The following CYLC1 variants were observed in gnomAD, a reference collection of about 807,000 sequenced individuals.
The protein encoded by CYLC1 is cylicin 1, also known as cylicin-1.
Under a neutral mutation model 31.6 loss-of-function variants are expected in CYLC1, and 2 were observed. The ratio of observed to expected loss-of-function variants is 0.06; its 90% CI spans 0.03 to 0.20. The LOEUF (loss-of-function observed/expected upper bound fraction) is 0.20, where lower values mean the gene tolerates loss of function less well. CYLC1 is among the 10% of genes least tolerant of loss of function. CYLC1 has a pLI of 1.00. For missense variants in CYLC1, 595 were observed against 424.1 expected (o/e 1.40, Z -3.54); for synonymous variants, 185 against 153.0 (o/e 1.21, Z -1.54).
intron 1 of CYLC1, among the ~76,000 whole-genome samples, chrX:83,867,725 A>G (rs926622773): frequency 9.0e-6 from 1 of 111,170 alleles, no homozygotes; most frequent in African/African-American, 3.3e-5. Flanking sequence ...TTCCTCTTGT[A>G]ATAATTTTGG....
chrX:83,868,153 G>A (rs1393179728), intron 1 of CYLC1, among the ~76,000 whole-genome samples: 1 of 110,751 alleles, frequency 9.0e-6, no homozygotes, highest in East Asian at 2.8e-4. Flanking sequence ...ATCAAATCAA[G>A]CAAATATAAT....
At chrX:83,871,766 A>G (rs941443572) in intron 3 of CYLC1, among the ~76,000 whole-genome samples, 196 bp downstream of exon 3, 1 of 110,788 alleles carries the variant, frequency 9.0e-6, no homozygotes, top group Non-Finnish European at 1.9e-5. Context: ...CACATCAAAG[A>G]CATTATCTAA....
At chrX:83,882,401 T>A (rs1190850207) in intron 4 of CYLC1, among the ~76,000 whole-genome samples, 1 of 110,760 alleles carries the variant, frequency 9.0e-6, no homozygotes, top group African/African-American at 3.3e-5. Context: ...TGTTCTTCAT[T>A]TCTGTACCTT....
At chrX:83,877,923 T>TAC (rs2031801654) in intron 4 of CYLC1, among the ~76,000 whole-genome samples, 1 of 80,965 alleles carries the variant, frequency 1.2e-5, no homozygotes, top group Non-Finnish European at 2.3e-5. Flanking sequence ...TATATATATA[T>TAC]ATAAATATAA....
rs1306411610 is a variant in CYLC1, at chrX:83,885,618, A to G, written c.1924-934A>G. Among the ~76,000 whole-genome samples, 43 of 109,648 alleles carry G rather than the reference A, an allele frequency of 3.9e-4. No homozygotes were observed. In the Admixed American group the frequency reaches 4.3e-3, roughly 11 times the overall value. On this transcript the variant is annotated intron_variant, in intron 4 of 4. Transcript: ENST00000329312. ...TCACTGCTGACTTCAGAAGGGGACC[A>G]ATATAAACCAGCTTAACTTTCCTCT...
intron 4 of CYLC1, among the ~76,000 whole-genome samples, chrX:83,880,597 G>A (rs991745918): frequency 9.0e-6 from 1 of 111,098 alleles, no homozygotes; most frequent in Non-Finnish European, 1.9e-5. Flanking sequence ...TTAATCACTT[G>A]AAATATTAAG....
At chrX:83,869,378 C>G (rs1292035110) in intron 1 of CYLC1, among the ~76,000 whole-genome samples, 1 of 110,153 alleles carries the variant, frequency 9.1e-6, no homozygotes, top group African/African-American at 3.3e-5. Context: ...ACCCTCCACC[C>G]TCTGATAGAC....
chrX:83,863,013 T>G (rs1367215361), intron 1 of CYLC1, among the ~76,000 whole-genome samples: 1 of 111,704 alleles, frequency 9.0e-6, no homozygotes, highest in African/African-American at 3.3e-5. Context: ...GTCATCAACT[T>G]ATATCACCTG....
Position 83,873,494 on chromosome X carries a change from T to C in CYLC1, c.786T>C (p.Asp262=), listed in dbSNP as rs937236328. The C allele has an allele frequency of 8.4e-7, 1 of 1,193,233 alleles. No individual in the cohort carries two copies. The highest frequency in any genetic ancestry group is 2.2e-5 in the Admixed American group (1 of 44,917). The change falls in exon 4 of 5, where the codon GAT becomes GAC. Residue 262 remains aspartate, a synonymous_variant. Transcript: ENST00000329312. Reference sequence around the variant, plus strand: ...CTGATGATGAATCCATAAATTTTGATGCATGGTTAAGGAATTACTCACAGA... The same window carrying C: ...CTGATGATGAATCCATAAATTTTGACGCATGGTTAAGGAATTACTCACAGA... The part of the protein sequence containing the change: ...GQSDDESINF[D]AWLRNYSQNN...
chrX:83,873,116 T>C lies in CYLC1; in HGVS notation c.408T>C (p.Gly136=), dbSNP rs760842314. ...AGAAAGATTCCAAGAAAAAAGGAGG[T>C]TCATATGCAACAAATCCAGAATCCA... The part of the protein sequence containing the change: ...PLKKDSKKKG[G]SYATNPESKQ... Residue 136 remains glycine (G), a synonymous_variant, in exon 4 of 5, where the codon GGT becomes GGC. Coordinates refer to ENST00000329312, the MANE Select transcript of CYLC1 (RefSeq NM_021118.3). The C allele has an allele frequency of 3.4e-6, 4 of 1,193,656 alleles. No individual in the cohort carries two copies. The Admixed American group carries it at 9.3e-5, about 28-fold the overall frequency.
At chrX:83,886,066 G>T (rs754994879) in intron 4 of CYLC1, among the ~76,000 whole-genome samples, 8 of 111,272 alleles carry the variant, frequency 7.2e-5, no homozygotes, top group Non-Finnish European at 1.5e-4. Context: ...TAAAAAGTAT[G>T]CATTAATATG....
At chrX:83,878,370 A>T (rs866608563) in intron 4 of CYLC1, among the ~76,000 whole-genome samples, 1 of 9,019 alleles carries the variant, frequency 1.1e-4, no homozygotes. Context: ...AATATATATA[A>T]ATATATATAT....
chrX:83,863,027 C>A lies in CYLC1; in HGVS notation c.17+1828C>A. Among the ~76,000 whole-genome samples, 2 of 111,622 alleles carry A rather than the reference C, an allele frequency of 1.8e-5. 1 individual carries two copies. Among genetic ancestry groups the A allele is most frequent in the Middle Eastern group, 8.3e-3 (2 of 240 alleles). On this transcript the variant is annotated intron_variant, in intron 1 of 4. Transcript: ENST00000329312. ...TGTCATCAACTTATATCACCTGTGA[C>A]CTTTCCTTGTATTCATCACCTGACT...
intron 2 of CYLC1, among the ~76,000 whole-genome samples, chrX:83,871,087 G>GAAAAAAAA (rs146040502): frequency 9.5e-6 from 1 of 104,880 alleles, no homozygotes; most frequent in Non-Finnish European, 2.0e-5. Flanking sequence ...GTGACATAAA[G>GAAAAAAAA]AAAAAAAAAC....
intron 4 of CYLC1, among the ~76,000 whole-genome samples, chrX:83,876,196 A>G (rs2031755597): frequency 9.0e-6 from 1 of 110,640 alleles, no homozygotes; most frequent in African/African-American, 3.3e-5. Context: ...CTGGGTTTCA[A>G]GTCTAGCTTT....
intron 4 of CYLC1, among the ~76,000 whole-genome samples, chrX:83,885,371 G>A (rs1232581076): frequency 9.1e-6 from 1 of 109,775 alleles, no homozygotes; most frequent in East Asian, 2.8e-4. Context: ...ATTTATACAG[G>A]AGGAAATAAA....
At chrX:83,875,436 G>A (rs1166677714) in intron 4 of CYLC1, among the ~76,000 whole-genome samples, 1 of 111,491 alleles carries the variant, frequency 9.0e-6, no homozygotes, top group Admixed American at 9.5e-5. Context: ...AGAAGAAAGA[G>A]GTTTAATTAG....
At chrX:83,881,727 AT>A (rs10639059) in intron 4 of CYLC1, among the ~76,000 whole-genome samples, 600 of 95,869 alleles carry the variant, frequency 6.3e-3, no homozygotes, top group African/African-American at 7.9e-3. Flanking sequence ...TCATTACCTG[AT>A]TTTTTTTTTT....
chrX:83,871,631 ATAAG>A (rs2031666612), intron 3 of CYLC1, 61 bp downstream of exon 3: 2 of 1,047,041 alleles, frequency 1.9e-6, no homozygotes, highest in Non-Finnish European at 2.6e-6. Flanking sequence ...ATATATAAAT[ATAAG>A]TAAGGCCTAT....
Sources: allele counts gnomAD v4.1 joint callset (sites outside exome capture counted in the v4.1 genomes callset), GRCh38; gene constraint gnomAD v4.1.1; transcripts MANE v1.5; gene names NCBI Gene and HGNC (gene_info 2026-07-23, HGNC 2026-07-21).